Variants in PFKFB3 observed in about 807,000 individuals in gnomAD.
PFKFB3 encodes 6-phosphofructo-2-kinase/fructose-2,6-biphosphatase 3.
PFKFB3 carries 33 observed loss-of-function variants against 68.0 expected under a neutral mutation model. The observed-to-expected ratio is 0.49, with a 90% CI of 0.37 to 0.65. PFKFB3 has a LOEUF of 0.65. PFKFB3 is among the 30% of genes least tolerant of loss of function. The probability of loss-of-function intolerance (pLI) is 0.00; values close to 1 mark genes in which losing one functional copy is unlikely to be tolerated. For missense variants in PFKFB3, 586 were observed against 712.2 expected (o/e 0.82, Z 2.02); for synonymous variants, 315 against 288.2 (o/e 1.09, Z -0.94).
At chr10:6,191,321 G>A (rs1843017478) in intron 1 of PFKFB3, among the ~76,000 whole-genome samples, 1 of 152,200 alleles carries the variant, frequency 6.6e-6, no homozygotes, top group Non-Finnish European at 1.5e-5. Flanking sequence ...AGCAGGGACC[G>A]CTCAAGACCC....
chr10:6,254,629 A>G, exon 15 of PFKFB3: 1 of 306,748 alleles, frequency 3.3e-6, no homozygotes, highest in Non-Finnish European at 5.9e-6. Flanking sequence ...TGTTCAATAA[A>G]TTACATGAGA....
chr10:6,287,416 T>C, the PFKFB3 span, among the ~76,000 whole-genome samples: 1 of 152,214 alleles, frequency 6.6e-6, no homozygotes, highest in Non-Finnish European at 1.5e-5. Flanking sequence ...ATTTTTACTG[T>C]ACCTTTCTGA....
chr10:6,168,394 C>T (rs641736), intron 1 of PFKFB3, among the ~76,000 whole-genome samples: 29,291 of 152,214 alleles, frequency 0.19, 3,291 homozygotes, highest in Non-Finnish European at 0.26. Context: ...GTTCTGATGC[C>T]ACCTCCACCA....
At chr10:6,207,668 A>G (rs1843884406) in intron 1 of PFKFB3, among the ~76,000 whole-genome samples, 1 of 152,200 alleles carries the variant, frequency 6.6e-6, no homozygotes, top group Non-Finnish European at 1.5e-5. Context: ...CAACAAAACA[A>G]AAATTACTAT....
intron 14 of PFKFB3, among the ~76,000 whole-genome samples, chr10:6,247,221 G>A (rs1024042923): frequency 8.5e-5 from 13 of 152,130 alleles, no homozygotes; most frequent in South Asian, 8.3e-4. Context: ...AGAAAACTTC[G>A]GTTCAGGCTC....
the PFKFB3 span, among the ~76,000 whole-genome samples, chr10:6,297,117 C>G: frequency 2.0e-5 from 3 of 152,212 alleles, no homozygotes; most frequent in Non-Finnish European, 2.9e-5. Context: ...TGGGCGTAAC[C>G]AGGAAGTGGA....
intron 14 of PFKFB3, among the ~76,000 whole-genome samples, chr10:6,244,772 T>C (rs1375807512): frequency 6.6e-6 from 1 of 152,164 alleles, no homozygotes; most frequent in Non-Finnish European, 1.5e-5. Context: ...GAGGGTGTTA[T>C]GTAAAAGTGA....
intron 1 of PFKFB3, among the ~76,000 whole-genome samples, chr10:6,196,892 G>C (rs541200630): frequency 0.031 from 4,679 of 151,860 alleles, 209 homozygotes; most frequent in African/African-American, 0.1. Context: ...TCCTCCCCCC[G>C]TCACGCTCCC....
chr10:6,291,555 C>CAAAAAA, the PFKFB3 span, among the ~76,000 whole-genome samples: 1 of 59,114 alleles, frequency 1.7e-5, no homozygotes. Flanking sequence ...GACTCTGTCT[C>CAAAAAA]AAAAAAAAAA....
intron 14 of PFKFB3, among the ~76,000 whole-genome samples, chr10:6,246,796 G>C (rs1265507689): frequency 1.3e-5 from 2 of 152,006 alleles, no homozygotes; most frequent in African/African-American, 4.8e-5. Flanking sequence ...CTTGATTCCC[G>C]TGCCTTCTCC....
At chr10:6,153,759 G>A (rs1050908726) in intron 1 of PFKFB3, among the ~76,000 whole-genome samples, 1 of 152,092 alleles carries the variant, frequency 6.6e-6, no homozygotes, top group African/African-American at 2.4e-5. Context: ...GGAGGCTGAG[G>A]CAGGAGAATT....
chr10:6,175,076 A>G (rs1842424581), intron 1 of PFKFB3, among the ~76,000 whole-genome samples: 1 of 152,112 alleles, frequency 6.6e-6, no homozygotes, highest in Non-Finnish European at 1.5e-5. Context: ...TGCCTCCCAC[A>G]GTGCTGGGGT....
intron 1 of PFKFB3, among the ~76,000 whole-genome samples, chr10:6,167,801 G>T (rs1842186481): frequency 6.6e-6 from 1 of 152,104 alleles, no homozygotes; most frequent in Non-Finnish European, 1.5e-5. Flanking sequence ...CCTAAACCTT[G>T]GTCTCATTCC....
chr10:6,278,130 A>G, the PFKFB3 span, among the ~76,000 whole-genome samples: 1 of 150,930 alleles, frequency 6.6e-6, no homozygotes, highest in South Asian at 2.1e-4. Context: ...GTTTGCCAGG[A>G]TGGTCTCGAT....
intron 1 of PFKFB3, among the ~76,000 whole-genome samples, chr10:6,211,138 G>A (rs1385902496): frequency 1.3e-5 from 2 of 152,180 alleles, no homozygotes; most frequent in Non-Finnish European, 1.5e-5. Context: ...TGCCAAGAAG[G>A]GACTGGCAGT....
intron 14 of PFKFB3, among the ~76,000 whole-genome samples, chr10:6,230,464 G>C (rs931665029): frequency 6.6e-5 from 10 of 152,178 alleles, no homozygotes; most frequent in African/African-American, 9.7e-5. Flanking sequence ...ACTTCATAAA[G>C]TTGTCATAAT....
At chr10:6,292,457 T>C in the PFKFB3 span, among the ~76,000 whole-genome samples, 1 of 151,034 alleles carries the variant, frequency 6.6e-6, no homozygotes, top group African/African-American at 2.4e-5. Flanking sequence ...GCTAATTTTT[T>C]TGTATTTTTA....
chr10:6,147,206 G>C (rs1353312851), intron 1 of PFKFB3, among the ~76,000 whole-genome samples: 2 of 152,234 alleles, frequency 1.3e-5, no homozygotes, highest in African/African-American at 4.8e-5. Flanking sequence ...TGCACTGACG[G>C]AGGTGCAGGA....
At chr10:6,146,136 G>A in intron 1 of PFKFB3, 1 of 700,472 alleles carries the variant, frequency 1.4e-6, no homozygotes, top group Non-Finnish European at 1.8e-6. Flanking sequence ...AGGACTGGGG[G>A]TGTGTGTGGG....
Sources: allele counts gnomAD v4.1 joint callset (sites outside exome capture counted in the v4.1 genomes callset), GRCh38; gene constraint gnomAD v4.1.1; transcripts MANE v1.5; gene names NCBI Gene and HGNC (gene_info 2026-07-23, HGNC 2026-07-21).